MYRFL: variants seen among roughly 807,000 people sequenced by gnomAD.
The protein encoded by MYRFL is myelin regulatory factor like, also known as myelin regulatory factor-like protein.
MYRFL carries 88 observed loss-of-function variants against 109.4 expected under a neutral mutation model. The ratio of observed to expected loss-of-function variants is 0.80; its 90% confidence interval spans 0.68 to 0.96. The LOEUF is 0.96. Ranked by LOEUF, MYRFL falls within the 40% of genes least tolerant of loss-of-function variation. The pLI is 0.00. For synonymous variants in MYRFL, 324 were observed against 320.9 expected, an observed-to-expected ratio of 1.01 and a Z score of -0.10; for missense variants, 957 against 954.9, an observed-to-expected ratio of 1.00 and a Z score of -0.03.
chr12:69,912,407 T>C (rs367765495), intron 13 of MYRFL, among the ~76,000 whole-genome samples: 1 of 152,162 alleles, frequency 6.6e-6, no homozygotes, highest in African/African-American at 2.4e-5. Context: ...CCACCATCCA[T>C]CTCCAGAACT....
intron 19 of MYRFL, 111 bp downstream of exon 19, chr12:69,936,743 T>C (rs1419764414): frequency 5.0e-6 from 5 of 1,006,802 alleles, no homozygotes; most frequent in African/African-American, 5.0e-5. Flanking sequence ...TCCATGCTTC[T>C]ATTTGGGGTG....
intron 1 of MYRFL, among the ~76,000 whole-genome samples, chr12:69,838,841 T>G (rs548942805): frequency 6.6e-6 from 1 of 152,310 alleles, no homozygotes; most frequent in South Asian, 2.1e-4. Flanking sequence ...AATGTACTAG[T>G]AAAGACCCTG....
intron 11 of MYRFL, among the ~76,000 whole-genome samples, chr12:69,906,253 C>A (rs907005800): frequency 1.1e-4 from 17 of 152,164 alleles, no homozygotes; most frequent in Middle Eastern, 3.4e-3. Flanking sequence ...GGACACAGAT[C>A]CAAGACATGG....
chr12:69,898,688 A>G (rs11177949), intron 10 of MYRFL, among the ~76,000 whole-genome samples: 48,231 of 152,188 alleles, frequency 0.32, 7,943 homozygotes, highest in African/African-American at 0.36. Flanking sequence ...CATAGCTAAG[A>G]TATCATGACA....
chr12:69,836,574 C>T (rs1490968659), intron 1 of MYRFL, among the ~76,000 whole-genome samples: 1 of 152,204 alleles, frequency 6.6e-6, no homozygotes, highest in Admixed American at 6.5e-5. Flanking sequence ...AGAGTAAGAT[C>T]TAGCTGTTAG....
chr12:69,878,953 G>A (rs1249473877), intron 2 of MYRFL, 75 bp from the exon 3 acceptor site: 1 of 702,100 alleles, frequency 1.4e-6, no homozygotes, highest in Non-Finnish European at 2.6e-6. Context: ...TACACTGAGG[G>A]TTGTCTCCCA....
At chr12:69,852,964 T>TG (rs1447720659) in intron 1 of MYRFL, among the ~76,000 whole-genome samples, 1 of 152,202 alleles carries the variant, frequency 6.6e-6, no homozygotes, top group Admixed American at 6.5e-5. Context: ...CAGAACAAAA[T>TG]GGAGTCTCCT....
At chr12:69,885,323 T>G (rs1166849818) in intron 5 of MYRFL, among the ~76,000 whole-genome samples, 1 of 152,156 alleles carries the variant, frequency 6.6e-6, no homozygotes, top group African/African-American at 2.4e-5. Flanking sequence ...AAATACTTTT[T>G]TTTTTTACAT....
intron 1 of MYRFL, among the ~76,000 whole-genome samples, chr12:69,831,633 C>A (rs934585328): frequency 9.2e-5 from 14 of 152,094 alleles, no homozygotes; most frequent in Admixed American, 7.2e-4. Flanking sequence ...AAGCACTATG[C>A]CTGGCACAGA....
At chr12:69,845,792 GAAAA>G (rs71276402) in intron 1 of MYRFL, among the ~76,000 whole-genome samples, 14,287 of 120,532 alleles carry the variant, frequency 0.12, 871 homozygotes, top group Admixed American at 0.2. Context: ...TGGGAAAAGC[GAAAA>G]AAAAAAAAAA....
chr12:69,936,080 T>TG (rs1566038013), intron 16 of MYRFL, 33 bp from the exon 17 acceptor site: 2 of 502,158 alleles, frequency 4.0e-6, no homozygotes, highest in Non-Finnish European at 5.0e-6. Flanking sequence ...CACATAATGT[T>TG]TTTTTTTTTT....
chr12:69,952,043 G>C, intron 19 of MYRFL, 70 bp from the exon 20 acceptor site: 1 of 1,312,384 alleles, frequency 7.6e-7, no homozygotes, highest in Non-Finnish European at 1.1e-6. Flanking sequence ...AGATGAACTA[G>C]GTCACACATG....
intron 16 of MYRFL, among the ~76,000 whole-genome samples, chr12:69,934,544 G>T (rs1002729555): frequency 6.6e-6 from 1 of 152,190 alleles, no homozygotes; most frequent in South Asian, 2.1e-4. Flanking sequence ...ACCCATGCTC[G>T]GTGAGTCCCA....
At position 69,831,235 on chromosome 12, in the gene MYRFL, T is replaced by A. The variant is rs1882612296; in HGVS notation, c.46+5672T>A. Among the ~76,000 whole-genome samples the A allele has an allele frequency of 2.0e-5, 3 of 152,182 alleles. No individual in the cohort carries two copies. The South Asian group carries it at 6.2e-4, about 32-fold the overall frequency. On this transcript the variant is annotated intron_variant, in intron 1 of 24. Transcript: ENST00000552032. ...CACAGGCCAAATCTGGCCTGCAGCC[T>A]GTTTTTGCAAATAAACTTTTACTGT...
intron 16 of MYRFL, among the ~76,000 whole-genome samples, chr12:69,933,611 T>G (rs1321123363): frequency 1.3e-5 from 2 of 152,126 alleles, no homozygotes; most frequent in Non-Finnish European, 2.9e-5. Context: ...TTAGTGTTTT[T>G]GCTTTTGACT....
intron 13 of MYRFL, among the ~76,000 whole-genome samples, chr12:69,921,825 G>A (rs1566026737): frequency 6.6e-6 from 1 of 152,182 alleles, no homozygotes; most frequent in Non-Finnish European, 1.5e-5. Flanking sequence ...CAAGTAACCA[G>A]GCAATTGCAG....
chr12:69,855,297 A>T lies in MYRFL; in HGVS notation c.64A>T (p.Thr22Ser). ...CTTTGCAGCTCAGGGAGCCAATGGT[A>T]CTCTGGAGAACCCAGCCCTGGACAC... ...QFFEAQGANGTLENPALDTSL... is the reference protein window; with the variant it reads ...QFFEAQGANGSLENPALDTSL... The change falls in exon 2 of 25, where the codon ACT becomes TCT. Residue 22 changes from threonine to serine, a missense_variant. Physicochemically the swap from Thr to Ser is moderately conservative, Grantham distance 58. Coordinates refer to ENST00000552032, the MANE Select transcript of MYRFL (RefSeq NM_182530.3). 1 of 702,596 alleles carries T rather than the reference A, an allele frequency of 1.4e-6. No individual in the cohort carries two copies. Among genetic ancestry groups the T allele is most frequent in the Middle Eastern group, 2.3e-4 (1 of 4,364 alleles). The allele number at this position is 702,596 out of a possible 1,614,324, so 43.5% of individuals were successfully genotyped here. A position where few individuals can be genotyped will look rare whatever the true frequency, so the allele number is the denominator to read the frequency against.
chr12:69,866,501 A>T (rs931512815), intron 2 of MYRFL, among the ~76,000 whole-genome samples: 1 of 152,196 alleles, frequency 6.6e-6, no homozygotes, highest in Non-Finnish European at 1.5e-5. Flanking sequence ...ATAGTTTCAT[A>T]TCACAACAGC....
intron 1 of MYRFL, among the ~76,000 whole-genome samples, chr12:69,852,897 G>A (rs1389235225): frequency 6.6e-6 from 1 of 152,108 alleles, no homozygotes; most frequent in South Asian, 2.1e-4. Context: ...AGAGCACGGG[G>A]TTGGGGGTAA....
Sources: allele counts gnomAD v4.1 joint callset (sites outside exome capture counted in the v4.1 genomes callset), GRCh38; gene constraint gnomAD v4.1.1; transcripts MANE v1.5; gene names NCBI Gene and HGNC (gene_info 2026-07-23, HGNC 2026-07-21).